The following CHIC1 variants were observed in gnomAD, a reference collection of about 807,000 sequenced individuals.
CHIC1 encodes cysteine-rich hydrophobic domain-containing protein 1.
A neutral mutation model predicts 18.5 loss-of-function variants in CHIC1; 7 were observed. The observed-to-expected ratio is 0.38, with a 90% CI of 0.22 to 0.71. The LOEUF (loss-of-function observed/expected upper bound fraction) is 0.71, where lower values mean the gene tolerates loss of function less well. CHIC1 is among the 30% of genes least tolerant of loss of function. CHIC1 has a pLI of 0.49. For synonymous variants in CHIC1, 77 were observed against 73.5 expected (o/e 1.05, Z -0.25); for missense variants, 159 against 176.9 (o/e 0.90, Z 0.57).
chrX:73,646,615 A>G (rs1460510500), intron 3 of CHIC1, among the ~76,000 whole-genome samples: 1 of 111,942 alleles, frequency 8.9e-6, no homozygotes, highest in Admixed American at 9.5e-5. Context: ...TTGCTTTCTT[A>G]ATTTCTTTCT....
intron 3 of CHIC1, among the ~76,000 whole-genome samples, chrX:73,605,045 G>A (rs2057673132): frequency 9.2e-6 from 1 of 108,129 alleles, no homozygotes; most frequent in African/African-American, 3.6e-5. Context: ...TTCAAGTCTT[G>A]AATATCGTTC....
chrX:73,589,139 ATTC>A (rs1455425570), intron 3 of CHIC1, among the ~76,000 whole-genome samples: 1 of 109,662 alleles, frequency 9.1e-6, no homozygotes, highest in East Asian at 2.9e-4. Flanking sequence ...ATTTGAGATC[ATTC>A]TTCTTTCTTA....
chrX:73,627,405 C>T (rs900839439), intron 3 of CHIC1, among the ~76,000 whole-genome samples: 3 of 112,677 alleles, frequency 2.7e-5, no homozygotes, highest in Non-Finnish European at 5.6e-5. Flanking sequence ...GCAAGATCAC[C>T]CAGGCCTTGG....
rs2058099608 is a variant in CHIC1, at chrX:73,681,583, T to C, written c.*578T>C. On this transcript the variant is annotated 3_prime_UTR_variant, in exon 6 of 6. Transcript: ENST00000373502. Reference sequence around the variant, plus strand: ...TTGTAAATATTGCCTCTTTGCATAATGTAAAATGTGGTATGCCATGGTTTA... The same window carrying C: ...TTGTAAATATTGCCTCTTTGCATAACGTAAAATGTGGTATGCCATGGTTTA... 1 of 112,559 alleles carries C rather than the reference T, an allele frequency of 8.9e-6. No individual in the cohort carries two copies. Among genetic ancestry groups the C allele is most frequent in the Admixed American group, 9.4e-5 (1 of 10,601 alleles). The allele number at this position is 112,559 out of a possible 1,213,427, so 9.3% of individuals were successfully genotyped here.
Position 73,684,359 on chromosome X carries a change from CTG to C in CHIC1, c.*3356_*3357del, listed in dbSNP as rs932835025. On this transcript the variant is annotated 3_prime_UTR_variant, in exon 6 of 6. Coordinates refer to ENST00000373502, the MANE Select transcript of CHIC1 (RefSeq NM_001039840.4). ...AAACACTAATATCTGAGCAATCAAA[CTG>C]TTTTATCTACCATTTTTGATGAAAT... 9.0e-5 allele frequency: 10 copies of C among 111,453 alleles called. No individual in the cohort carries two copies. Among genetic ancestry groups the C allele is most frequent in the African/African-American group, 2.9e-4 (9 of 30,801 alleles). 9.2% of individuals were successfully genotyped at this position (111,453 alleles called of 1,213,427 possible). A position where few individuals can be genotyped will look rare whatever the true frequency, so the allele number is the denominator to read the frequency against.
At chrX:73,619,623 T>A (rs752668468) in intron 3 of CHIC1, among the ~76,000 whole-genome samples, 4 of 111,664 alleles carry the variant, frequency 3.6e-5, no homozygotes, top group Non-Finnish European at 7.5e-5. Flanking sequence ...TTTAAACTGA[T>A]GACAAGTTAA....
intron 3 of CHIC1, among the ~76,000 whole-genome samples, chrX:73,592,501 T>C (rs2057586617): frequency 8.9e-6 from 1 of 111,977 alleles, no homozygotes; most frequent in African/African-American, 3.2e-5. Context: ...ATGTGGTGAA[T>C]CACATTTATT....
chrX:73,658,248 G>GT (rs869309622), intron 3 of CHIC1, among the ~76,000 whole-genome samples: 6,702 of 16,681 alleles, frequency 0.4, 2,483 homozygotes, highest in Non-Finnish European at 0.51. Context: ...CTGGTCCTAG[G>GT]TTTTTTTTTT....
chrX:73,651,459 C>T (rs11797391), intron 3 of CHIC1, among the ~76,000 whole-genome samples: 23,836 of 110,242 alleles, frequency 0.22, 2,456 homozygotes, highest in African/African-American at 0.39. Flanking sequence ...GCAGATGACA[C>T]GATTGTATAT....
intron 3 of CHIC1, among the ~76,000 whole-genome samples, chrX:73,612,577 A>T (rs1410254225): frequency 8.9e-6 from 1 of 111,963 alleles, no homozygotes; most frequent in African/African-American, 3.2e-5. Context: ...ATGGTCATTC[A>T]GGAACATGTG....
chrX:73,666,069 C>T (rs900240672), intron 3 of CHIC1, among the ~76,000 whole-genome samples: 6 of 111,811 alleles, frequency 5.4e-5, no homozygotes, highest in African/African-American at 2.0e-4. Context: ...TATTTGCTCT[C>T]AGGCTCTGGA....
At chrX:73,651,947 A>C (rs2057919012) in intron 3 of CHIC1, among the ~76,000 whole-genome samples, 1 of 112,165 alleles carries the variant, frequency 8.9e-6, no homozygotes, top group African/African-American at 3.2e-5. Flanking sequence ...TCTAAGCAAA[A>C]AGAACAAAGC....
At position 73,563,714 on chromosome X, in the gene CHIC1, G is replaced by C. The variant is rs960968573; in HGVS notation, c.296+134G>C. 5.3e-6 allele frequency: 3 copies of C among 569,129 alleles called. No individual in the cohort carries two copies. The African/African-American group carries it at 7.2e-5, about 14-fold the overall frequency. The allele number at this position is 569,129 out of a possible 1,213,427, so 46.9% of individuals were successfully genotyped here. ...GGCGTACACTTAGGAAAGGACACCT[G>C]GTCTAAATGGGGAAACCATGGGTGG... On this transcript the variant is annotated intron_variant, in intron 1 of 5. Coordinates refer to ENST00000373502, the MANE Select transcript of CHIC1 (RefSeq NM_001039840.4).
chrX:73,573,528 T>G (rs754283595), intron 1 of CHIC1, among the ~76,000 whole-genome samples: 3 of 110,045 alleles, frequency 2.7e-5, no homozygotes, highest in African/African-American at 9.8e-5. Context: ...GATTGCTTTA[T>G]GTTGTTGATT....
At chrX:73,628,825 G>A (rs1462205216) in intron 3 of CHIC1, among the ~76,000 whole-genome samples, 3 of 111,244 alleles carry the variant, frequency 2.7e-5, no homozygotes, top group Non-Finnish European at 5.7e-5. Context: ...ATCTATCCTT[G>A]TGGGGGTGAG....
intron 3 of CHIC1, among the ~76,000 whole-genome samples, chrX:73,672,540 A>T (rs368738026): frequency 2.2e-4 from 25 of 112,034 alleles, no homozygotes; most frequent in South Asian, 1.1e-3. Context: ...CATTTTTTCA[A>T]GTGTTTTTTG....
At chrX:73,621,111 A>G (rs1603344432) in intron 3 of CHIC1, among the ~76,000 whole-genome samples, 1 of 111,747 alleles carries the variant, frequency 8.9e-6, no homozygotes, top group African/African-American at 3.3e-5. Flanking sequence ...GCCTTGCAGT[A>G]TAGTTTGAAG....
chrX:73,670,436 C>G (rs2147624349), intron 3 of CHIC1, among the ~76,000 whole-genome samples: 1 of 110,419 alleles, frequency 9.1e-6, no homozygotes, highest in East Asian at 2.9e-4. Context: ...TTTTAAGAAC[C>G]AACTTTTTCT....
chrX:73,604,106 A>G (rs1448812411), intron 3 of CHIC1, among the ~76,000 whole-genome samples: 2 of 107,082 alleles, frequency 1.9e-5, no homozygotes, highest in Non-Finnish European at 3.8e-5. Flanking sequence ...TACCTCTGGT[A>G]GAATTCAGCT....
Sources: gnomAD v4.1 joint callset for allele counts (sites outside exome capture counted in the v4.1 genomes callset) on GRCh38, gnomAD v4.1.1 for gene constraint, MANE v1.5 for transcripts, NCBI Gene and HGNC (gene_info 2026-07-23, HGNC 2026-07-21) for gene names.